The following TANC2 variants were observed in gnomAD, a reference collection of about 807,000 sequenced individuals.
TANC2 encodes tetratricopeptide repeat, ankyrin repeat and coiled-coil containing 2, also known as protein TANC2.
In TANC2, 26 loss-of-function variants were observed where a neutral mutation model predicts 210.5. The ratio of observed to expected loss-of-function variants is 0.12; its 90% CI spans 0.09 to 0.17. The LOEUF is 0.17. Ranked by LOEUF, TANC2 falls within the 10% of genes least tolerant of loss-of-function variation. The pLI is 1.00. For synonymous variants in TANC2, 931 were observed against 967.1 expected, an observed-to-expected ratio of 0.96 and a Z score of 0.69; for missense variants, 2,129 against 2,608.9, an observed-to-expected ratio of 0.82 and a Z score of 4.01.
chr17:63,374,038 T>G (rs1490214924), intron 14 of TANC2, among the ~76,000 whole-genome samples: 1 of 143,520 alleles, frequency 7.0e-6, no homozygotes, highest in Non-Finnish European at 1.5e-5. Flanking sequence ...GTTGGTTTTT[T>G]TTTTTTTTTT....
chr17:63,147,650 ATAT>A (rs2039508747), intron 4 of TANC2, among the ~76,000 whole-genome samples: 1 of 152,172 alleles, frequency 6.6e-6, no homozygotes, highest in African/African-American at 2.4e-5. Flanking sequence ...TTCCCAGGTG[ATAT>A]TATACTGCTG....
At chr17:63,099,927 A>G (rs1208611350) in intron 4 of TANC2, among the ~76,000 whole-genome samples, 1 of 152,178 alleles carries the variant, frequency 6.6e-6, no homozygotes, top group Admixed American at 6.5e-5. Flanking sequence ...TCAAGTTGTT[A>G]GGTGTGAAAC....
At chr17:63,363,221 A>G (rs1160404294) in intron 14 of TANC2, among the ~76,000 whole-genome samples, 5 of 152,076 alleles carry the variant, frequency 3.3e-5, no homozygotes, top group Admixed American at 2.0e-4. Context: ...ATTTTTTCCT[A>G]TAGAGTTGTT....
chr17:63,211,927 C>T (rs1039359324), intron 7 of TANC2, among the ~76,000 whole-genome samples: 3 of 152,130 alleles, frequency 2.0e-5, no homozygotes, highest in African/African-American at 7.2e-5. Context: ...ATGTGCACAA[C>T]ATGCAGGTCT....
intron 17 of TANC2, among the ~76,000 whole-genome samples, chr17:63,394,139 G>A (rs1449538125): frequency 1.3e-5 from 2 of 152,086 alleles, no homozygotes; most frequent in Non-Finnish European, 2.9e-5. Context: ...CCCTCAACAT[G>A]TATTAATTGA....
intron 1 of TANC2, among the ~76,000 whole-genome samples, chr17:62,970,267 G>A (rs1305311553): frequency 1.3e-5 from 2 of 152,094 alleles, no homozygotes; most frequent in African/African-American, 4.8e-5. Context: ...AACTTATTCA[G>A]CATATATGCT....
At chr17:63,043,643 T>G (rs1322337104) in intron 2 of TANC2, among the ~76,000 whole-genome samples, 2 of 152,144 alleles carry the variant, frequency 1.3e-5, no homozygotes, top group Non-Finnish European at 2.9e-5. Flanking sequence ...AACAGTATCT[T>G]TAGCCCTCAG....
chr17:63,270,898 A>G (rs1229881208), intron 9 of TANC2, among the ~76,000 whole-genome samples: 1 of 152,060 alleles, frequency 6.6e-6, no homozygotes, highest in Admixed American at 6.6e-5. Context: ...GCTCCCACTT[A>G]CAAGTGAGAA....
chr17:63,087,014 C>A (rs923740375), intron 3 of TANC2, among the ~76,000 whole-genome samples: 4 of 152,224 alleles, frequency 2.6e-5, no homozygotes, highest in African/African-American at 9.6e-5. Flanking sequence ...CCTTTCTGTG[C>A]TGTGGAAGCT....
chr17:63,379,665 T>G, intron 14 of TANC2, 53 bp from the exon 15 acceptor site: 1 of 1,406,690 alleles, frequency 7.1e-7, no homozygotes, highest in Non-Finnish European at 9.7e-7. Flanking sequence ...TGAGACTCCA[T>G]CTCAATAAAT....
At chr17:63,357,166 C>G (rs1389636246) in intron 14 of TANC2, among the ~76,000 whole-genome samples, 7 of 152,146 alleles carry the variant, frequency 4.6e-5, no homozygotes, top group Non-Finnish European at 1.0e-4. Flanking sequence ...GTAGAATTGC[C>G]TAATAAACGC....
intron 4 of TANC2, among the ~76,000 whole-genome samples, chr17:63,130,707 A>G (rs2038887936): frequency 6.6e-6 from 1 of 152,090 alleles, no homozygotes; most frequent in African/African-American, 2.4e-5. Flanking sequence ...TATTGTGGTT[A>G]TTACTACTAC....
chr17:63,013,063 CTT>C (rs760218214), intron 2 of TANC2, among the ~76,000 whole-genome samples: 6 of 140,970 alleles, frequency 4.3e-5, no homozygotes, highest in Non-Finnish European at 6.2e-5. Context: ...AGATTTTTTT[CTT>C]TTTTTTTTTT....
chr17:63,270,671 GT>G (rs1404361086), intron 9 of TANC2, among the ~76,000 whole-genome samples: 1 of 151,820 alleles, frequency 6.6e-6, no homozygotes, highest in South Asian at 2.1e-4. Flanking sequence ...TGTGAAATAG[GT>G]TTTTTTTAAC....
intron 12 of TANC2, among the ~76,000 whole-genome samples, chr17:63,346,535 T>C (rs2146840146): frequency 6.6e-6 from 1 of 152,258 alleles, no homozygotes; most frequent in South Asian, 2.1e-4. Flanking sequence ...AAATTAAAAT[T>C]ACAATGAGAA....
intron 5 of TANC2, among the ~76,000 whole-genome samples, chr17:63,186,734 CAT>C (rs1222554086): frequency 1.3e-5 from 2 of 152,206 alleles, no homozygotes; most frequent in Non-Finnish European, 2.9e-5. Flanking sequence ...TTTATGGTGA[CAT>C]ATTCCTCAAC....
chr17:63,092,694 G>A (rs2037243740), intron 3 of TANC2, among the ~76,000 whole-genome samples: 1 of 151,764 alleles, frequency 6.6e-6, no homozygotes, highest in Admixed American at 6.6e-5. Flanking sequence ...GTGGAGGGAG[G>A]TGATACATAC....
intron 5 of TANC2, among the ~76,000 whole-genome samples, chr17:63,184,060 G>A (rs1483825275): frequency 6.6e-6 from 1 of 151,442 alleles, no homozygotes; most frequent in Admixed American, 6.6e-5. Context: ...AGTCTTTCCT[G>A]AGTGGGAAAA....
At chr17:63,275,030 T>G (rs2043829406) in intron 9 of TANC2, among the ~76,000 whole-genome samples, 1 of 152,134 alleles carries the variant, frequency 6.6e-6, no homozygotes, top group Non-Finnish European at 1.5e-5. Flanking sequence ...ATAAATCTTA[T>G]GATGGATTAT....
Sources: gnomAD v4.1 joint callset for allele counts (sites outside exome capture counted in the v4.1 genomes callset) on GRCh38, gnomAD v4.1.1 for gene constraint, MANE v1.5 for transcripts, NCBI Gene and HGNC (gene_info 2026-07-23, HGNC 2026-07-21) for gene names.